Variants in PRDM16 observed in about 807,000 individuals in gnomAD.
PRDM16 encodes histone-lysine N-methyltransferase PRDM16.
A neutral mutation model predicts 110.6 loss-of-function variants in PRDM16; 23 were observed. The ratio of observed to expected loss-of-function variants is 0.21; its 90% CI spans 0.15 to 0.29. The LOEUF (loss-of-function observed/expected upper bound fraction) is 0.29. Ranked by LOEUF, PRDM16 falls within the 10% of genes least tolerant of loss-of-function variation. PRDM16 has a pLI of 1.00. For synonymous variants in PRDM16, 799 were observed against 781.8 expected (o/e 1.02, Z -0.37); for missense variants, 1,615 against 1,794.3 (o/e 0.90, Z 1.81).
In PRDM16 at chr1:3,190,213, G is replaced by A. The variant is rs112479379; in HGVS notation, c.387+3739G>A. On this transcript the variant is annotated intron_variant, in intron 2 of 16. Coordinates refer to ENST00000270722, the MANE Select transcript of PRDM16 (RefSeq NM_022114.4). This position sits in a 1 kb window ranked among gnomAD's most constrained non-coding sequence, Gnocchi z 5.0. Reference sequence around the variant, plus strand: ...CGTGGGGCAGCGTTACTTCAAGGTCGTGGGGCAGCCTTACTTCAAGGTCGT... The same window carrying A: ...CGTGGGGCAGCGTTACTTCAAGGTCATGGGGCAGCCTTACTTCAAGGTCGT... 2.5e-4 allele frequency among the ~76,000 whole-genome samples: 36 copies of A among 145,872 alleles called. No homozygotes were observed. Among genetic ancestry groups the A allele is most frequent in the Middle Eastern group, 3.4e-3 (1 of 290 alleles).
At chr1:3,192,633 A>G (rs1385158120) in intron 2 of PRDM16, among the ~76,000 whole-genome samples, 1 of 152,070 alleles carries the variant, frequency 6.6e-6, no homozygotes, top group African/African-American at 2.4e-5. Flanking sequence ...GGGCTGGGGA[A>G]TCAAGGTGAG....
rs1638747172 is a variant in PRDM16 at position 3,430,921 on chromosome 1, A to T, written c.3334A>T (p.Ser1112Cys). 1 of 1,614,028 alleles carries T rather than the reference A, an allele frequency of 6.2e-7. No individual in the cohort carries two copies. The highest frequency in any genetic ancestry group is 1.3e-5 in the African/African-American group (1 of 74,946). Reference sequence around the variant, plus strand: ...CAGTGCCCAGTGTCCAGGCCTAGCCAGTGAGAAGCAGGAGGACGTGGAGGA... The same window carrying T: ...CAGTGCCCAGTGTCCAGGCCTAGCCTGTGAGAAGCAGGAGGACGTGGAGGA... ...DGSAQCPGLA[S>C]EKQEDVEEED... The change falls in exon 15 of 17, where the codon AGT (serine) becomes TGT (cysteine). Residue 1112 changes from serine to cysteine, a missense_variant. This residue lies in a region of PRDM16 where 327 missense variants were observed against 359.3 expected (regional missense o/e 0.91). Transcript: ENST00000270722.
intron 3 of PRDM16, among the ~76,000 whole-genome samples, chr1:3,323,851 G>C (rs1641821679): frequency 6.6e-6 from 1 of 152,252 alleles, no homozygotes; most frequent in Non-Finnish European, 1.5e-5. Flanking sequence ...AAAGAGGCCT[G>C]TTCAGCTTAG....
intron 1 of PRDM16, among the ~76,000 whole-genome samples, chr1:3,138,461 C>A (rs1305407302): frequency 6.6e-6 from 1 of 152,220 alleles, no homozygotes; most frequent in Non-Finnish European, 1.5e-5. Flanking sequence ...GGGTCTCCGT[C>A]CAGTCTCTGA....
At chr1:3,313,809 C>T (rs766066103) in intron 3 of PRDM16, among the ~76,000 whole-genome samples, 18 of 152,244 alleles carry the variant, frequency 1.2e-4, no homozygotes, top group Non-Finnish European at 2.4e-4. Flanking sequence ...CTAGAGGCCT[C>T]ACTCCTCCAG....
rs1557509237 is a variant in PRDM16, at chr1:3,181,471, C to CATGGCCTT, written c.38-4653_38-4652insTGGCCTTA. On this transcript the variant is annotated intron_variant, in intron 1 of 16. Coordinates refer to ENST00000270722, the MANE Select transcript of PRDM16 (RefSeq NM_022114.4). Reference sequence around the variant, plus strand: ...ACACGGTCTTACACACGGTCTTACACACGCAGTCTTACACACAGCCTTACG... The same window carrying CATGGCCTT: ...ACACGGTCTTACACACGGTCTTACACATGGCCTTACGCAGTCTTACACACAGCCTTACG... Among the ~76,000 whole-genome samples, 68 of 75,606 alleles carry CATGGCCTT rather than the reference C, an allele frequency of 9.0e-4. 13 individuals are homozygous for CATGGCCTT. Among genetic ancestry groups the CATGGCCTT allele is most frequent in the Non-Finnish European group, 1.4e-3 (45 of 31,148 alleles). 49.6% of individuals were successfully genotyped at this position (75,606 alleles called of 152,430 possible).
At chr1:3,117,619 G>A (rs1016896349) in intron 1 of PRDM16, among the ~76,000 whole-genome samples, 1 of 152,026 alleles carries the variant, frequency 6.6e-6, no homozygotes, top group Non-Finnish European at 1.5e-5. Context: ...TGCCTCCCCA[G>A]GGCCCATCTC....
chr1:3,425,512 C>T lies in PRDM16; in HGVS notation c.2940-69C>T, dbSNP rs966085997. On this transcript the variant is annotated intron_variant, in intron 12 of 16. Transcript: ENST00000270722. This position sits in a 1 kb window ranked among gnomAD's most constrained non-coding sequence, Gnocchi z 6.9. ...GCAGGGGCGCGGGCTCCCTTCCCCC[C>T]ACCCTCTGTGGCCCGGCCTGCCATG... 69 of 1,538,880 alleles carry T rather than the reference C, an allele frequency of 4.5e-5. No individual in the cohort carries two copies. The highest frequency in any genetic ancestry group is 5.2e-5 in the Non-Finnish European group (59 of 1,128,914).
chr1:3,305,494 G>A (rs1230699278), intron 3 of PRDM16, among the ~76,000 whole-genome samples: 2 of 152,208 alleles, frequency 1.3e-5, no homozygotes, highest in African/African-American at 4.8e-5. Flanking sequence ...TGCTCCTTTG[G>A]TGACCATTTC....
At chr1:3,331,158 C>T (rs1166978844) in intron 3 of PRDM16, among the ~76,000 whole-genome samples, 1 of 152,240 alleles carries the variant, frequency 6.6e-6, no homozygotes, top group Non-Finnish European at 1.5e-5. Context: ...TTCCTCTGCC[C>T]TGGCCTCCAT....
In PRDM16 at chr1:3,172,357, C is replaced by A. The variant is rs549425402; in HGVS notation, c.38-13768C>A. Among the ~76,000 whole-genome samples the A allele has an allele frequency of 3.9e-4, 59 of 152,240 alleles. 3 individuals are homozygous for A. In the South Asian group the frequency reaches 0.012, roughly 32 times the overall value. On this transcript the variant is annotated intron_variant, in intron 1 of 16. Coordinates refer to ENST00000270722, the MANE Select transcript of PRDM16 (RefSeq NM_022114.4). The stretch of plus-strand genomic sequence containing the variant: ...AACCAGGGTGGTGGGGGAAGTCAAC[C>A]TTACCTGCTTTCCAGAGACCCTGAG...
chr1:3,214,640 T>TGA (rs149924865), intron 2 of PRDM16, among the ~76,000 whole-genome samples: 2,077 of 152,324 alleles, frequency 0.014, 18 homozygotes, highest in Middle Eastern at 0.054. Flanking sequence ...GAGGTTGCAG[T>TGA]GAGCCGAGAT....
At chr1:3,377,695 T>G (rs944272399) in intron 3 of PRDM16, among the ~76,000 whole-genome samples, 1 of 152,134 alleles carries the variant, frequency 6.6e-6, no homozygotes, top group African/African-American at 2.4e-5. Flanking sequence ...GGATTCCAGA[T>G]CTGGAGAGAG....
chr1:3,114,252 A>ACGCACG (rs1271648251), intron 1 of PRDM16, among the ~76,000 whole-genome samples: 2 of 139,088 alleles, frequency 1.4e-5, no homozygotes, highest in Non-Finnish European at 3.1e-5. Flanking sequence ...AAACATGCAC[A>ACGCACG]CGCACGCGCA....
rs575392713 is a variant in PRDM16, at chr1:3,090,369, G to A, written c.37+21073G>A. On this transcript the variant is annotated intron_variant, in intron 1 of 16. Coordinates refer to ENST00000270722, the MANE Select transcript of PRDM16 (RefSeq NM_022114.4). The stretch of plus-strand genomic sequence containing the variant: ...CACTGGAGCTGGTCTCGTGAGAAGC[G>A]CCACATGGCCCTGAGGCTGGGTGGG... Among the ~76,000 whole-genome samples, 22 of 152,348 alleles carry A rather than the reference G, an allele frequency of 1.4e-4. 2 individuals carry two copies. In the South Asian group the frequency reaches 2.9e-3, roughly 20 times the overall value.
At chr1:3,225,994 C>T (rs1404863330) in intron 2 of PRDM16, among the ~76,000 whole-genome samples, 2 of 152,256 alleles carry the variant, frequency 1.3e-5, no homozygotes, top group Non-Finnish European at 2.9e-5. Flanking sequence ...GGTCCCAGAT[C>T]ATTGTGGTGG....
At chr1:3,349,490 A>G (rs924966470) in intron 3 of PRDM16, among the ~76,000 whole-genome samples, 13 of 152,140 alleles carry the variant, frequency 8.5e-5, no homozygotes, top group African/African-American at 2.7e-4. Flanking sequence ...CGGCGCAGCC[A>G]CTGGGTGCCC....
intron 3 of PRDM16, among the ~76,000 whole-genome samples, chr1:3,373,238 G>A (rs1014285810): frequency 8.5e-5 from 13 of 152,242 alleles, no homozygotes; most frequent in Middle Eastern, 3.4e-3. Flanking sequence ...CAGTGCCGGC[G>A]GGAAACGGCA....
chr1:3,131,691 G>C (rs1201724191), intron 1 of PRDM16, among the ~76,000 whole-genome samples: 1 of 152,346 alleles, frequency 6.6e-6, no homozygotes, highest in East Asian at 1.9e-4. Flanking sequence ...CCGCTGCATG[G>C]TGATAAGCTG....
Sources: allele counts gnomAD v4.1 joint callset (sites outside exome capture counted in the v4.1 genomes callset), GRCh38; gene constraint gnomAD v4.1.1; regional missense constraint gnomAD v4.1.1; non-coding constraint Gnocchi (gnomAD v3.1); transcripts MANE v1.5; gene names NCBI Gene and HGNC (gene_info 2026-07-23, HGNC 2026-07-21).